Variants in ZNF516 observed in about 807,000 individuals in gnomAD.
The protein encoded by ZNF516 is zinc finger protein 516.
ZNF516 carries 19 observed loss-of-function variants against 79.7 expected under a neutral mutation model. The observed-to-expected ratio is 0.24, with a 90% CI of 0.17 to 0.35. The LOEUF is 0.35. Ranked by LOEUF, ZNF516 falls within the 10% of genes least tolerant of loss-of-function variation. ZNF516 has a pLI of 1.00. For synonymous variants in ZNF516, 877 were observed against 739.5 expected (o/e 1.19, Z -3.02); for missense variants, 1,678 against 1,679.5 (o/e 1.00, Z 0.02).
At chr18:76,383,096 C>A (rs934121398) in intron 3 of ZNF516, among the ~76,000 whole-genome samples, 5 of 150,626 alleles carry the variant, frequency 3.3e-5, no homozygotes, top group African/African-American at 1.2e-4. Context: ...TGTCACCGGT[C>A]GAGAGTGAAC....
chr18:76,423,215 T>C (rs1169573368), intron 3 of ZNF516, among the ~76,000 whole-genome samples: 4 of 152,068 alleles, frequency 2.6e-5, no homozygotes, highest in Admixed American at 6.5e-5. Flanking sequence ...CAGCCACAAG[T>C]TTTACAAGCT....
intron 6 of ZNF516, among the ~76,000 whole-genome samples, 158 bp downstream of exon 6, chr18:76,370,370 G>A (rs1471909168): frequency 6.6e-6 from 1 of 152,116 alleles, no homozygotes; most frequent in Non-Finnish European, 1.5e-5. Flanking sequence ...CCCACAGACG[G>A]CCCCGAAGGG....
intron 3 of ZNF516, among the ~76,000 whole-genome samples, chr18:76,390,211 T>C (rs2075051520): frequency 6.6e-6 from 1 of 152,186 alleles, no homozygotes; most frequent in East Asian, 1.9e-4. Context: ...CTGGCTTCTT[T>C]CCATTGTCTC....
chr18:76,396,683 C>T (rs538289791), intron 3 of ZNF516, among the ~76,000 whole-genome samples: 10 of 152,202 alleles, frequency 6.6e-5, no homozygotes, highest in African/African-American at 2.4e-4. Flanking sequence ...TAAGACAAAA[C>T]TACATAGACA....
chr18:76,472,395 G>A (rs796771080), intron 1 of ZNF516, among the ~76,000 whole-genome samples: 5 of 151,912 alleles, frequency 3.3e-5, no homozygotes, highest in South Asian at 2.1e-4. Flanking sequence ...CTCACTACAC[G>A]GGCACACTTG....
At chr18:76,434,426 C>T (rs908106197) in intron 3 of ZNF516, among the ~76,000 whole-genome samples, 1 of 152,164 alleles carries the variant, frequency 6.6e-6, no homozygotes, top group Non-Finnish European at 1.5e-5. Flanking sequence ...GCATATGAGG[C>T]AAAGAGAAAA....
rs373540251 is a variant in ZNF516 at position 76,360,646 on chromosome 18, A to AAAAAAAAAAAAATATATATATAT, written c.*1851_*1852insATATATATATATTTTTTTTTTTT. On this transcript the variant is annotated 3_prime_UTR_variant, in exon 7 of 7. Coordinates refer to ENST00000443185, the MANE Select transcript of ZNF516 (RefSeq NM_014643.4). ...AAAAAAATAAGTAAAAAAAAAAAAA[A>AAAAAAAAAAAAATATATATATAT]ATATATATATATATATATATATATA... The AAAAAAAAAAAAATATATATATAT allele has an allele frequency of 1.4e-5, 1 of 72,494 alleles. No individual in the cohort carries two copies. The highest frequency in any genetic ancestry group is 2.7e-5 in the Non-Finnish European group (1 of 36,934). 4.5% of individuals were successfully genotyped at this position (72,494 alleles called of 1,614,324 possible). A position where few individuals can be genotyped will look rare whatever the true frequency, so the allele number is the denominator to read the frequency against.
chr18:76,437,097 C>CACACACACACAT (rs1158763514), intron 3 of ZNF516, among the ~76,000 whole-genome samples: 1 of 151,180 alleles, frequency 6.6e-6, no homozygotes, highest in Non-Finnish European at 1.5e-5. Context: ...CACACACACA[C>CACACACACACAT]ACATACCGTC....
chr18:76,477,426 C>A (rs552634146), intron 1 of ZNF516, among the ~76,000 whole-genome samples: 1 of 152,136 alleles, frequency 6.6e-6, no homozygotes, highest in Non-Finnish European at 1.5e-5. Flanking sequence ...CGGGACCCAG[C>A]CCCACAATGA....
At position 76,432,972 on chromosome 18, in the gene ZNF516, C is replaced by T. The variant is rs74771246; in HGVS notation, c.1810+8273G>A. ...AAGGCGACCTCCCCAAATCCTCACT[C>T]CATTGAGTCCAACAACACCAAAAGC... On this transcript the variant is annotated intron_variant, in intron 3 of 6. Transcript: ENST00000443185. 2.9e-3 allele frequency among the ~76,000 whole-genome samples: 440 copies of T among 152,116 alleles called. 2 individuals carry two copies. The highest frequency in any genetic ancestry group is 0.01 in the African/African-American group (425 of 41,460).
intron 6 of ZNF516, among the ~76,000 whole-genome samples, chr18:76,365,296 A>G (rs1235161074): frequency 6.6e-6 from 1 of 152,224 alleles, no homozygotes; most frequent in Admixed American, 6.5e-5. Flanking sequence ...AAAACACCAG[A>G]TTTCATATTT....
At chr18:76,495,767 C>T, upstream of ZNF516, 1 of 1,152,384 alleles carries the variant, frequency 8.7e-7, no homozygotes. Context: ...GAAATGGGGA[C>T]ACCCCTTCGG....
intron 1 of ZNF516, chr18:76,492,433 C>A: frequency 1.1e-6 from 1 of 932,424 alleles, no homozygotes; most frequent in Non-Finnish European, 1.3e-6. Flanking sequence ...GTTCAGGAGG[C>A]GGGTGGGCAG....
intron 3 of ZNF516, among the ~76,000 whole-genome samples, chr18:76,434,041 C>A (rs760425663): frequency 1.3e-5 from 2 of 151,390 alleles, no homozygotes; most frequent in Non-Finnish European, 3.0e-5. Context: ...GCTGCTCTGG[C>A]CGTTGCTGTC....
chr18:76,385,738 T>G (rs865943032), intron 3 of ZNF516: 2 of 152,110 alleles, frequency 1.3e-5, no homozygotes, highest in Middle Eastern at 6.8e-3. Flanking sequence ...CTGGTGATGC[T>G]GAAGAACCGG....
chr18:76,431,191 A>G (rs1020308677), intron 3 of ZNF516, among the ~76,000 whole-genome samples: 19 of 152,120 alleles, frequency 1.2e-4, no homozygotes, highest in Non-Finnish European at 2.9e-5. Flanking sequence ...TCTAAGAACC[A>G]CAAAAAGAAA....
chr18:76,426,363 T>TTC (rs1340041665), intron 3 of ZNF516, among the ~76,000 whole-genome samples: 16 of 152,116 alleles, frequency 1.1e-4, no homozygotes, highest in African/African-American at 3.9e-4. Flanking sequence ...GACCAGACAT[T>TTC]TCCCCCATGC....
chr18:76,423,222 A>C (rs1293747235), intron 3 of ZNF516, among the ~76,000 whole-genome samples: 12 of 152,252 alleles, frequency 7.9e-5, no homozygotes, highest in Non-Finnish European at 1.5e-5. Flanking sequence ...AAGTTTTACA[A>C]GCTAGGAAAG....
At chr18:76,381,016 TCCGCCC>T (rs2074883801) in intron 3 of ZNF516, among the ~76,000 whole-genome samples, 1 of 152,188 alleles carries the variant, frequency 6.6e-6, no homozygotes, top group African/African-American at 2.4e-5. Context: ...AGCCCGGGGT[TCCGCCC>T]CTCAAGCTCT....
Sources: allele counts gnomAD v4.1 joint callset (sites outside exome capture counted in the v4.1 genomes callset), GRCh38; gene constraint gnomAD v4.1.1; transcripts MANE v1.5; gene names NCBI Gene and HGNC (gene_info 2026-07-23, HGNC 2026-07-21).